The following SYNDIG1 variants were observed in gnomAD, a reference collection of about 807,000 sequenced individuals.
SYNDIG1 encodes the protein synapse differentiation inducing 1, also known as synapse differentiation-inducing gene protein 1.
SYNDIG1 carries 9 observed loss-of-function variants against 19.4 expected under a neutral mutation model. The observed-to-expected ratio is 0.46, with a 90% CI of 0.28 to 0.81. The LOEUF (loss-of-function observed/expected upper bound fraction) is 0.81, where lower values mean the gene tolerates loss of function less well. SYNDIG1 is among the 30% of genes least tolerant of loss of function. The pLI, the probability that SYNDIG1 is intolerant of heterozygous loss-of-function variation, is 0.12. For synonymous variants in SYNDIG1, 141 were observed against 145.9 expected, an observed-to-expected ratio of 0.97 and a Z score of 0.24; for missense variants, 311 against 343.3, an observed-to-expected ratio of 0.91 and a Z score of 0.74.
intron 2 of SYNDIG1, among the ~76,000 whole-genome samples, chr20:24,568,778 G>A (rs1040784564): frequency 1.3e-5 from 2 of 152,208 alleles, no homozygotes; most frequent in South Asian, 2.1e-4. Flanking sequence ...AATTAGGGCC[G>A]AAGAAAGGCA....
intron 3 of SYNDIG1, among the ~76,000 whole-genome samples, chr20:24,656,122 T>C (rs1358720386): frequency 6.6e-6 from 1 of 152,194 alleles, no homozygotes; most frequent in Non-Finnish European, 1.5e-5. Context: ...ACGGTGCTGT[T>C]CTTAGTGCCA....
In SYNDIG1 at chr20:24,585,236, C is replaced by T. The variant is rs548506279; in HGVS notation, c.618+243C>T. 1.4e-4 allele frequency among the ~76,000 whole-genome samples: 21 copies of T among 152,304 alleles called. No individual in the cohort carries two copies. In the South Asian group the frequency reaches 4.3e-3, roughly 32 times the overall value. On this transcript the variant is annotated intron_variant, in intron 3 of 3. Coordinates refer to ENST00000376862, the MANE Select transcript of SYNDIG1 (RefSeq NM_024893.3). ...TCCTCGCAGAGGTGGGACTGCGTTC[C>T]GAAGAGGCTTTGGAACTGAAGCCGG...
At chr20:24,501,449 C>T (rs2056452358) in intron 1 of SYNDIG1, among the ~76,000 whole-genome samples, 2 of 152,208 alleles carry the variant, frequency 1.3e-5, no homozygotes, top group African/African-American at 4.8e-5. Flanking sequence ...GATCACCCTT[C>T]AAGCTTATTT....
In SYNDIG1 at chr20:24,530,810, TG is replaced by T. The variant is rs1343314041; in HGVS notation, c.-78-12209del. 3.8e-4 allele frequency among the ~76,000 whole-genome samples: 57 copies of T among 151,554 alleles called. 1 individual carries two copies. The highest frequency in any genetic ancestry group is 1.3e-3 in the African/African-American group (54 of 41,238). Reference sequence around the variant, plus strand: ...TTGTTTGTTTGTTTTTTGGGTTTTTTGTTTTTTTTTTTTTCGGAGACGGAGT... The same window carrying T: ...TTGTTTGTTTGTTTTTTGGGTTTTTTTTTTTTTTTTTTTCGGAGACGGAGT... On this transcript the variant is annotated intron_variant, in intron 1 of 3. Transcript: ENST00000376862.
At chr20:24,521,033 T>G (rs1301899770) in intron 1 of SYNDIG1, among the ~76,000 whole-genome samples, 3 of 152,188 alleles carry the variant, frequency 2.0e-5, no homozygotes, top group Non-Finnish European at 2.9e-5. Context: ...AGTGTGACTA[T>G]TCTAGGTACC....
At chr20:24,483,784 G>T (rs1045937335) in intron 1 of SYNDIG1, among the ~76,000 whole-genome samples, 2 of 152,154 alleles carry the variant, frequency 1.3e-5, no homozygotes, top group Admixed American at 1.3e-4. Flanking sequence ...GAAAGGCTTT[G>T]GTCCCTCATG....
At chr20:24,629,967 G>A (rs530506908) in intron 3 of SYNDIG1, among the ~76,000 whole-genome samples, 6 of 152,166 alleles carry the variant, frequency 3.9e-5, no homozygotes, top group Non-Finnish European at 8.8e-5. Flanking sequence ...TATACTTTGA[G>A]GTCATGCACA....
chr20:24,511,236 T>C (rs1161922755), intron 1 of SYNDIG1, among the ~76,000 whole-genome samples: 1 of 152,206 alleles, frequency 6.6e-6, no homozygotes, highest in Non-Finnish European at 1.5e-5. Context: ...CTGAAAACTG[T>C]CATTATGCAT....
chr20:24,506,152 G>A (rs548127196), intron 1 of SYNDIG1, among the ~76,000 whole-genome samples: 3 of 152,242 alleles, frequency 2.0e-5, no homozygotes, highest in East Asian at 1.9e-4. Flanking sequence ...AATAATCTCC[G>A]GGAGGAATTT....
At chr20:24,627,150 GGAGAGCGAGAGC>G (rs59038259) in intron 3 of SYNDIG1, among the ~76,000 whole-genome samples, 3,877 of 136,444 alleles carry the variant, frequency 0.028, 78 homozygotes, top group African/African-American at 0.048. Context: ...AGAGGGAGAG[GGAGAGCGAGAGC>G]GAGAGCGAGA....
At chr20:24,637,979 A>G (rs2059332823) in intron 3 of SYNDIG1, among the ~76,000 whole-genome samples, 1 of 152,280 alleles carries the variant, frequency 6.6e-6, no homozygotes, top group Non-Finnish European at 1.5e-5. Flanking sequence ...GACCAAGGCC[A>G]CAGCTAGTTA....
In SYNDIG1 at chr20:24,607,621, C is replaced by T. The variant is rs751630400; in HGVS notation, c.618+22628C>T. Among the ~76,000 whole-genome samples the T allele has an allele frequency of 4.8e-4, 73 of 152,308 alleles. 1 individual carries two copies. In the Middle Eastern group the frequency reaches 0.01, roughly 21 times the overall value. Reference sequence around the variant, plus strand: ...GCCACATTCACAGTGGAGACGGCCTCGGGCTCCCCCTCTCCCTGCTTCAAG... The same window carrying T: ...GCCACATTCACAGTGGAGACGGCCTTGGGCTCCCCCTCTCCCTGCTTCAAG... On this transcript the variant is annotated intron_variant, in intron 3 of 3. Transcript: ENST00000376862.
intron 2 of SYNDIG1, among the ~76,000 whole-genome samples, chr20:24,557,765 C>A (rs2146850539): frequency 6.6e-6 from 1 of 152,244 alleles, no homozygotes. Context: ...GGTCAGGGAC[C>A]CACTTGAGGA....
chr20:24,552,206 AGCTTC>A (rs1192752481), intron 2 of SYNDIG1, among the ~76,000 whole-genome samples: 1 of 152,210 alleles, frequency 6.6e-6, no homozygotes, highest in Non-Finnish European at 1.5e-5. Context: ...TTTATTATAA[AGCTTC>A]TGTCACTGAA....
intron 1 of SYNDIG1, among the ~76,000 whole-genome samples, chr20:24,524,661 A>C (rs1026524786): frequency 6.6e-6 from 1 of 151,848 alleles, no homozygotes; most frequent in Non-Finnish European, 1.5e-5. Flanking sequence ...AAAAAAAAAA[A>C]TTTATCTTGT....
At chr20:24,654,418 T>C (rs2059502583) in intron 3 of SYNDIG1, among the ~76,000 whole-genome samples, 2 of 151,986 alleles carry the variant, frequency 1.3e-5, no homozygotes, top group African/African-American at 4.8e-5. Flanking sequence ...AAAAGGAAAG[T>C]TGTGTAAAAG....
intron 1 of SYNDIG1, among the ~76,000 whole-genome samples, chr20:24,519,575 T>A (rs1413670367): frequency 6.6e-6 from 1 of 152,174 alleles, no homozygotes; most frequent in Admixed American, 6.5e-5. Flanking sequence ...AAGCATAGTA[T>A]TCTTCAAGTT....
intron 1 of SYNDIG1, among the ~76,000 whole-genome samples, chr20:24,539,358 T>C (rs570996747): frequency 1.1e-4 from 17 of 152,368 alleles, no homozygotes; most frequent in African/African-American, 3.8e-4. Flanking sequence ...AAAATGTCCT[T>C]TCCCTATTGA....
intron 1 of SYNDIG1, among the ~76,000 whole-genome samples, chr20:24,507,852 C>A (rs1291773526): frequency 6.6e-6 from 1 of 152,220 alleles, no homozygotes; most frequent in African/African-American, 2.4e-5. Context: ...CATGGTCCCA[C>A]TCAAGGAGCT....
Sources: gnomAD v4.1 joint callset for allele counts (sites outside exome capture counted in the v4.1 genomes callset) on GRCh38, gnomAD v4.1.1 for gene constraint, MANE v1.5 for transcripts, NCBI Gene and HGNC (gene_info 2026-07-23, HGNC 2026-07-21) for gene names.